Variants in SWAP70 observed in about 807,000 individuals in gnomAD.
The protein encoded by SWAP70 is switching B cell complex subunit SWAP70.
A neutral mutation model predicts 80.2 loss-of-function variants in SWAP70; 34 were observed. That is an observed-to-expected ratio of 0.42 (90% CI 0.32 to 0.56). The LOEUF is 0.56. SWAP70 is among the 20% of genes least tolerant of loss of function. The pLI, the probability that SWAP70 is intolerant of heterozygous loss-of-function variation, is 0.09. For missense variants in SWAP70, 578 were observed against 690.7 expected, an observed-to-expected ratio of 0.84 and a Z score of 1.83; for synonymous variants, 239 against 238.5, an observed-to-expected ratio of 1.00 and a Z score of -0.02.
At chr11:9,709,987 A>G (rs1275319344) in intron 2 of SWAP70, among the ~76,000 whole-genome samples, 2 of 152,216 alleles carry the variant, frequency 1.3e-5, no homozygotes, top group Non-Finnish European at 2.9e-5. Context: ...AAATGTATTT[A>G]CTATTCATTC....
chr11:9,724,708 G>A lies in SWAP70; in HGVS notation c.465G>A (p.Gln155=), dbSNP rs1399395367. ...KLTEAMGGGW[Q]QEQFEHYKIN... is the part of the protein sequence containing the mutation. ...CAGAAGCTATGGGAGGAGGTTGGCAGCAAGAACAATTTGAACATTATAAAA... is the reference window on the plus strand; with the variant it reads ...CAGAAGCTATGGGAGGAGGTTGGCAACAAGAACAATTTGAACATTATAAAA... The change falls in exon 4 of 12, where the codon CAG becomes CAA. Residue 155 remains glutamine, a synonymous_variant. Coordinates refer to ENST00000318950, the MANE Select transcript of SWAP70 (RefSeq NM_015055.4). 2.5e-6 allele frequency: 4 copies of A among 1,613,976 alleles called. No homozygotes were observed. The South Asian group carries it at 3.3e-5, about 13-fold the overall frequency.
chr11:9,729,513 T>C, intron 6 of SWAP70, 62 bp downstream of exon 6: 1 of 1,288,626 alleles, frequency 7.8e-7, no homozygotes, highest in South Asian at 1.3e-5. Flanking sequence ...TCTTTTTTTT[T>C]TCTGAGACGG....
At chr11:9,684,308 C>T (rs1850604499) in intron 1 of SWAP70, among the ~76,000 whole-genome samples, 2 of 152,314 alleles carry the variant, frequency 1.3e-5, no homozygotes, top group South Asian at 4.1e-4. Flanking sequence ...TCCCAAACTC[C>T]TGACCTCAAG....
chr11:9,678,528 G>T (rs1850528584), intron 1 of SWAP70, among the ~76,000 whole-genome samples: 9 of 108,652 alleles, frequency 8.3e-5, no homozygotes, highest in South Asian at 3.3e-4. Flanking sequence ...AAAATAACAC[G>T]TAAACTCTGA....
At chr11:9,699,387 T>C (rs964352488) in intron 2 of SWAP70, among the ~76,000 whole-genome samples, 3 of 151,300 alleles carry the variant, frequency 2.0e-5, no homozygotes, top group Admixed American at 6.6e-5. Flanking sequence ...AGTATAATGC[T>C]TTTTTTTTGT....
rs6483657 is a variant in SWAP70 at position 9,750,202 on chromosome 11, G to C, written c.*232G>C. On this transcript the variant is annotated 3_prime_UTR_variant, in exon 12 of 12. Coordinates refer to ENST00000318950, the MANE Select transcript of SWAP70 (RefSeq NM_015055.4). ...AAAATACAAAAAAAATTAGCTGAGC[G>C]TGGTGGCGGGCGCCTGTAATCCCAG... 26 of 277,686 alleles carry C rather than the reference G, an allele frequency of 9.4e-5. No individual in the cohort carries two copies. Among genetic ancestry groups the C allele is most frequent in the Admixed American group, 3.0e-4 (7 of 23,240 alleles). 17.2% of individuals were successfully genotyped at this position (277,686 alleles called of 1,614,324 possible). A position where few individuals can be genotyped will look rare whatever the true frequency, so the allele number is the denominator to read the frequency against.
intron 4 of SWAP70, among the ~76,000 whole-genome samples, chr11:9,726,195 C>T (rs1466701322): frequency 1.3e-5 from 2 of 152,034 alleles, no homozygotes; most frequent in Admixed American, 1.3e-4. Flanking sequence ...CTTTATGTAG[C>T]AAAGTTGCTT....
intron 2 of SWAP70, among the ~76,000 whole-genome samples, chr11:9,711,207 G>A (rs1850993835): frequency 6.6e-6 from 1 of 152,102 alleles, no homozygotes; most frequent in Non-Finnish European, 1.5e-5. Context: ...CAGGAGTGAG[G>A]CACTGCACTG....
At chr11:9,728,007 T>G (rs56116109) in intron 4 of SWAP70, 46 bp from the exon 5 acceptor site, 492,101 of 1,521,626 alleles carry the variant, frequency 0.32, 81,448 homozygotes, top group Non-Finnish European at 0.34. Context: ...TGTCAGCTCT[T>G]ACAAATAAAA....
chr11:9,664,108 G>A lies in SWAP70; in HGVS notation c.-72G>A, dbSNP rs991451358. The A allele has an allele frequency of 2.8e-6, 4 of 1,437,046 alleles. No homozygotes were observed. In the South Asian group the frequency reaches 5.2e-5, roughly 19 times the overall value. 89.0% of individuals were successfully genotyped at this position (1,437,046 alleles called of 1,614,324 possible). ...CTGCGCGGCGGGCTGTGGCTGCGGA[G>A]GTTGAGGGGCGTCCGAGGCGCGGAG... On this transcript the variant is annotated 5_prime_UTR_variant, in exon 1 of 12. Transcript: ENST00000318950.
chr11:9,713,155 C>G (rs907383969), intron 2 of SWAP70, among the ~76,000 whole-genome samples: 3 of 152,092 alleles, frequency 2.0e-5, no homozygotes, highest in Non-Finnish European at 4.4e-5. Flanking sequence ...GAGGTCAGTG[C>G]TAGGATTGGT....
At position 9,675,330 on chromosome 11, in the gene SWAP70, A is replaced by ACAGAGG. The variant is rs1565111571; in HGVS notation, c.99+11052_99+11053insCAGAGG. 3.1e-4 allele frequency among the ~76,000 whole-genome samples: 23 copies of ACAGAGG among 73,898 alleles called. 5 individuals are homozygous for ACAGAGG. Among genetic ancestry groups the ACAGAGG allele is most frequent in the South Asian group, 2.5e-3 (3 of 1,214 alleles). The allele number at this position is 73,898 out of a possible 152,430, so 48.5% of individuals were successfully genotyped here. ...GAAACAGAGAGGGAGCGAGAGAGAGAGAGAGAGAGAGGGAGCGAGAGAGAG... is the reference window on the plus strand; with the variant it reads ...GAAACAGAGAGGGAGCGAGAGAGAGACAGAGGGAGAGAGAGAGGGAGCGAGAGAGAG... On this transcript the variant is annotated intron_variant, in intron 1 of 11. Coordinates refer to ENST00000318950, the MANE Select transcript of SWAP70 (RefSeq NM_015055.4).
intron 1 of SWAP70, among the ~76,000 whole-genome samples, chr11:9,673,321 A>G (rs1458713791): frequency 6.6e-6 from 1 of 152,184 alleles, no homozygotes; most frequent in Non-Finnish European, 1.5e-5. Context: ...TACAGAATAT[A>G]TTTTAAAGGA....
At chr11:9,747,139 G>C (rs1851522495) in intron 9 of SWAP70, among the ~76,000 whole-genome samples, 1 of 152,290 alleles carries the variant, frequency 6.6e-6, no homozygotes, top group South Asian at 2.1e-4. Context: ...TTCCCAGATA[G>C]GTATTCCTGT....
rs748154946 is a variant in SWAP70 at position 9,749,998 on chromosome 11, A to C, written c.*28A>C. Reference sequence around the variant, plus strand: ...GAGCTTGCTGGCAGTCACGTCAGTTATGTAGATACTGCATGGCAGGAGAGC... The same window carrying C: ...GAGCTTGCTGGCAGTCACGTCAGTTCTGTAGATACTGCATGGCAGGAGAGC... On this transcript the variant is annotated 3_prime_UTR_variant, in exon 12 of 12. Coordinates refer to ENST00000318950, the MANE Select transcript of SWAP70 (RefSeq NM_015055.4). 6.2e-6 allele frequency: 9 copies of C among 1,440,770 alleles called. No homozygotes were observed. The highest frequency in any genetic ancestry group is 8.8e-6 in the Non-Finnish European group (9 of 1,022,842). The allele number at this position is 1,440,770 out of a possible 1,614,324, so 89.2% of individuals were successfully genotyped here. A position where few individuals can be genotyped will look rare whatever the true frequency, so the allele number is the denominator to read the frequency against.
intron 1 of SWAP70, among the ~76,000 whole-genome samples, chr11:9,688,129 A>G (rs570677407): frequency 5.9e-5 from 9 of 152,260 alleles, no homozygotes; most frequent in Non-Finnish European, 1.0e-4. Flanking sequence ...ATATTTTCTA[A>G]GATTATTGTT....
intron 8 of SWAP70, among the ~76,000 whole-genome samples, chr11:9,738,658 G>A (rs1298196490): frequency 1.4e-5 from 2 of 144,510 alleles, no homozygotes; most frequent in African/African-American, 5.2e-5. Context: ...CTTGAGCCCA[G>A]GAGTTCAAGA....
intron 1 of SWAP70, among the ~76,000 whole-genome samples, chr11:9,668,768 G>C (rs1404729969): frequency 6.6e-6 from 1 of 152,160 alleles, no homozygotes; most frequent in East Asian, 1.9e-4. Flanking sequence ...GCTTTGGAAA[G>C]CTATATGGGT....
chr11:9,673,169 C>T (rs1043594775), intron 1 of SWAP70, among the ~76,000 whole-genome samples: 19 of 152,192 alleles, frequency 1.2e-4, no homozygotes, highest in South Asian at 2.1e-4. Flanking sequence ...CGGTCCTCCT[C>T]CTTCCTACCA....
Sources: allele counts gnomAD v4.1 joint callset (sites outside exome capture counted in the v4.1 genomes callset), GRCh38; gene constraint gnomAD v4.1.1; transcripts MANE v1.5; gene names NCBI Gene and HGNC (gene_info 2026-07-23, HGNC 2026-07-21).